ANKRD50: variants seen among roughly 807,000 people sequenced by gnomAD.
ANKRD50 encodes ankyrin repeat domain 50, also known as ankyrin repeat domain-containing protein 50.
ANKRD50 carries 40 observed loss-of-function variants against 112.0 expected under a neutral mutation model. The ratio of observed to expected loss-of-function variants is 0.36; its 90% CI spans 0.28 to 0.46. The LOEUF is 0.46. Among genes scored for constraint, ANKRD50 ranks in the 20% least tolerant of loss-of-function variants. The pLI, the probability that ANKRD50 is intolerant of heterozygous loss-of-function variation, is 1.00. For missense variants in ANKRD50, 1,487 were observed against 1,701.7 expected (o/e 0.87, Z 2.22); for synonymous variants, 613 against 619.1 (o/e 0.99, Z 0.15).
chr4:124,680,819 A>G (rs1356139770), intron 2 of ANKRD50, among the ~76,000 whole-genome samples: 13 of 152,102 alleles, frequency 8.5e-5, no homozygotes, highest in Admixed American at 8.5e-4. Flanking sequence ...GAGTTTAGTC[A>G]GGAGAAATAG....
chr4:124,693,972 T>C (rs2110521433), intron 2 of ANKRD50, among the ~76,000 whole-genome samples: 1 of 152,240 alleles, frequency 6.6e-6, no homozygotes, highest in East Asian at 1.9e-4. Flanking sequence ...TGTTTTTATA[T>C]AAGATGAGAA....
chr4:124,704,058 T>C (rs1310570831), intron 2 of ANKRD50, among the ~76,000 whole-genome samples: 4 of 152,122 alleles, frequency 2.6e-5, no homozygotes, highest in African/African-American at 9.7e-5. Flanking sequence ...AAACAGAAGT[T>C]TGTATCTTAA....
chr4:124,700,791 T>C (rs781561903), intron 2 of ANKRD50, among the ~76,000 whole-genome samples: 52 of 152,210 alleles, frequency 3.4e-4, no homozygotes, highest in Non-Finnish European at 6.2e-4. Context: ...ATCTGCTCCA[T>C]AGCTCTCTCA....
rs1050912438 is a variant in ANKRD50 at position 124,667,043 on chromosome 4, G to A, written c.*475C>T. On this transcript the variant is annotated 3_prime_UTR_variant, in exon 5 of 5. Transcript: ENST00000504087. ...TGCAAGATTTGTTTTATTGAGCAAC[G>A]TCTTTAAAGATACAAGAAACAGGCC... 4 of 151,742 alleles carry A rather than the reference G, an allele frequency of 2.6e-5. No individual in the cohort carries two copies. The highest frequency in any genetic ancestry group is 4.4e-5 in the Non-Finnish European group (3 of 67,914). 9.4% of individuals were successfully genotyped at this position (151,742 alleles called of 1,614,324 possible). A position where few individuals can be genotyped will look rare whatever the true frequency, so the allele number is the denominator to read the frequency against.
intron 2 of ANKRD50, among the ~76,000 whole-genome samples, chr4:124,683,148 T>A (rs554826669): frequency 7.9e-5 from 12 of 151,936 alleles, no homozygotes; most frequent in African/African-American, 2.4e-4. Context: ...CATATATATG[T>A]ATATATTTAT....
intron 2 of ANKRD50, among the ~76,000 whole-genome samples, chr4:124,699,963 T>C (rs1725351799): frequency 6.6e-6 from 1 of 152,192 alleles, no homozygotes; most frequent in African/African-American, 2.4e-5. Context: ...GCAAATACTC[T>C]GTTATGCCAA....
intron 2 of ANKRD50, among the ~76,000 whole-genome samples, chr4:124,702,322 GA>G (rs1456091301): frequency 6.6e-6 from 1 of 152,150 alleles, no homozygotes; most frequent in African/African-American, 2.4e-5. Context: ...TGGAATGGGT[GA>G]ATAAAAATTG....
chr4:124,705,686 CACTA>C (rs1725490376), intron 2 of ANKRD50, among the ~76,000 whole-genome samples: 1 of 152,176 alleles, frequency 6.6e-6, no homozygotes, highest in African/African-American at 2.4e-5. Flanking sequence ...CTCCACCCCT[CACTA>C]ACTTAGTTGC....
rs764654260 is a variant in ANKRD50, at chr4:124,664,097, T to C, written c.*3421A>G. ...ATTTTATTTAGAAAATGAATGACCA[T>C]GTTTGCAATAAACTCCCAAAATATC... On this transcript the variant is annotated 3_prime_UTR_variant, in exon 5 of 5. Coordinates refer to ENST00000504087, the MANE Select transcript of ANKRD50 (RefSeq NM_020337.3). 4.6e-5 allele frequency: 7 copies of C among 151,990 alleles called. No individual in the cohort carries two copies. The highest frequency in any genetic ancestry group is 6.6e-5 in the Admixed American group (1 of 15,218). The allele number at this position is 151,990 out of a possible 1,614,324, so 9.4% of individuals were successfully genotyped here. A position where few individuals can be genotyped will look rare whatever the true frequency, so the allele number is the denominator to read the frequency against.
At chr4:124,679,952 C>G (rs34877613) in intron 2 of ANKRD50, among the ~76,000 whole-genome samples, 27,676 of 152,084 alleles carry the variant, frequency 0.18, 2,609 homozygotes, top group South Asian at 0.24. Flanking sequence ...GCCAGACTAG[C>G]CTTCTTTCAA....
rs548632745 is a variant in ANKRD50 at position 124,666,956 on chromosome 4, G to A, written c.*562C>T. The A allele has an allele frequency of 6.6e-6, 1 of 151,948 alleles. No homozygotes were observed. The highest frequency in any genetic ancestry group is 1.5e-5 in the Non-Finnish European group (1 of 67,886). 9.4% of individuals were successfully genotyped at this position (151,948 alleles called of 1,614,324 possible). ...CAAGAAATCATTTTTTCATTTCAAT[G>A]TGATATTTATATAGAAAATGATTTT... On this transcript the variant is annotated 3_prime_UTR_variant, in exon 5 of 5. Coordinates refer to ENST00000504087, the MANE Select transcript of ANKRD50 (RefSeq NM_020337.3).
intron 2 of ANKRD50, among the ~76,000 whole-genome samples, chr4:124,683,841 T>C (rs550691848): frequency 6.6e-6 from 1 of 150,866 alleles, no homozygotes; most frequent in African/African-American, 2.4e-5. Flanking sequence ...TTTTGAAAGG[T>C]TTTTTTTGGA....
chr4:124,680,178 A>G (rs751840746), intron 2 of ANKRD50, among the ~76,000 whole-genome samples: 2 of 152,184 alleles, frequency 1.3e-5, no homozygotes, highest in Non-Finnish European at 2.9e-5. Flanking sequence ...TTAATTATGT[A>G]GTGTCTTTTT....
chr4:124,682,390 AATTGACAATT>A (rs1317933703), intron 2 of ANKRD50, among the ~76,000 whole-genome samples: 2 of 151,360 alleles, frequency 1.3e-5, no homozygotes, highest in African/African-American at 4.9e-5. Flanking sequence ...ACTGTTCTGT[AATTGACAATT>A]AGGTTGATTC....
chr4:124,689,544 T>C (rs886190017), intron 2 of ANKRD50, among the ~76,000 whole-genome samples: 1 of 152,180 alleles, frequency 6.6e-6, no homozygotes, highest in Admixed American at 6.5e-5. Context: ...CAATCAAAGA[T>C]TGAATACAAC....
rs1320213501 is a variant in ANKRD50, at chr4:124,664,679, T to C, written c.*2839A>G. 1 of 152,348 alleles carries C rather than the reference T, an allele frequency of 6.6e-6. No homozygotes were observed. The highest frequency in any genetic ancestry group is 2.4e-5 in the African/African-American group (1 of 41,390). The allele number at this position is 152,348 out of a possible 1,614,324, so 9.4% of individuals were successfully genotyped here. ...AACTACATTTGCTGAGAAGTGTAAA[T>C]GGAGGACATTAAGCAAAACAAATAT... On this transcript the variant is annotated 3_prime_UTR_variant, in exon 5 of 5. Transcript: ENST00000504087.
chr4:124,685,890 G>A (rs1041867475), intron 2 of ANKRD50, among the ~76,000 whole-genome samples: 4 of 152,014 alleles, frequency 2.6e-5, no homozygotes, highest in Non-Finnish European at 5.9e-5. Flanking sequence ...TTTAAAAAGT[G>A]ACAGATAAAA....
chr4:124,694,150 A>G (rs1470856217), intron 2 of ANKRD50, among the ~76,000 whole-genome samples: 1 of 152,178 alleles, frequency 6.6e-6, no homozygotes, highest in East Asian at 1.9e-4. Context: ...TACAATTAAT[A>G]CTTCCAATCG....
intron 2 of ANKRD50, 112 bp from the exon 3 acceptor site, chr4:124,679,017 A>T: frequency 1.2e-6 from 1 of 807,172 alleles, no homozygotes; most frequent in Middle Eastern, 3.4e-4. Flanking sequence ...AAAATAAGGT[A>T]TTAGAACAAA....
Sources: allele counts gnomAD v4.1 joint callset (sites outside exome capture counted in the v4.1 genomes callset), GRCh38; gene constraint gnomAD v4.1.1; transcripts MANE v1.5; gene names NCBI Gene and HGNC (gene_info 2026-07-23, HGNC 2026-07-21).